The following TFEB variants were observed in gnomAD, a reference collection of about 807,000 sequenced individuals.
The protein encoded by TFEB is transcription factor EB.
A neutral mutation model predicts 48.0 loss-of-function variants in TFEB; 12 were observed. The ratio of observed to expected loss-of-function variants is 0.25; its 90% CI spans 0.16 to 0.40. The LOEUF (loss-of-function observed/expected upper bound fraction) is 0.40, where lower values mean the gene tolerates loss of function less well. Among genes scored for constraint, TFEB ranks in the 10% least tolerant of loss-of-function variants. The probability of loss-of-function intolerance (pLI) is 1.00; values close to 1 mark genes in which losing one functional copy is unlikely to be tolerated. For synonymous variants in TFEB, 244 were observed against 261.4 expected (o/e 0.93, Z 0.64); for missense variants, 509 against 640.3 (o/e 0.79, Z 2.21).
chr6:41,692,514 C>A (rs1561853308), intron 1 of TFEB, among the ~76,000 whole-genome samples: 2 of 152,224 alleles, frequency 1.3e-5, no homozygotes, highest in Non-Finnish European at 2.9e-5. Flanking sequence ...GCCCTAATCT[C>A]CTACAGGTCT....
chr6:41,694,005 C>A (rs776800650), intron 1 of TFEB, among the ~76,000 whole-genome samples: 4 of 152,056 alleles, frequency 2.6e-5, no homozygotes, highest in African/African-American at 4.8e-5. Flanking sequence ...GGCTCACCCC[C>A]CCACCCTTGG....
At chr6:41,733,214 C>A (rs1771524253) in intron 1 of TFEB, 4 of 237,248 alleles carry the variant, frequency 1.7e-5, no homozygotes, top group South Asian at 1.5e-4. Flanking sequence ...CCTGTGACAG[C>A]GCACGTGGGA....
chr6:41,714,400 T>C (rs1184326995), intron 1 of TFEB, among the ~76,000 whole-genome samples: 1 of 152,140 alleles, frequency 6.6e-6, no homozygotes, highest in Non-Finnish European at 1.5e-5. Flanking sequence ...TTCTAGATTA[T>C]GAATAAGGCT....
In TFEB at chr6:41,691,431, G is replaced by C; in HGVS notation, c.-22-196C>G. 1.4e-6 allele frequency: 1 copy of C among 726,522 alleles called. No individual in the cohort carries two copies. The highest frequency in any genetic ancestry group is 1.5e-5 in the South Asian group (1 of 66,916). 45.0% of individuals were successfully genotyped at this position (726,522 alleles called of 1,614,324 possible). A position where few individuals can be genotyped will look rare whatever the true frequency, so the allele number is the denominator to read the frequency against. ...CTGAGACATGAATCCAAGTTTCCTG[G>C]TTCCTGGACCAAAACTGAAGGTTCT... is the stretch of plus-strand genomic sequence containing the variant. On this transcript the variant is annotated intron_variant, in intron 1 of 8. Coordinates refer to ENST00000373033, the MANE Select transcript of TFEB (RefSeq NM_001271944.2). The surrounding 1 kb of genome is among the most constrained non-coding windows in gnomAD (Gnocchi z 5.2).
chr6:41,727,165 A>C (rs1266990049), intron 1 of TFEB, among the ~76,000 whole-genome samples: 1 of 152,224 alleles, frequency 6.6e-6, no homozygotes, highest in Non-Finnish European at 1.5e-5. Context: ...ACCGTGGACC[A>C]TTCCTCTGGG....
chr6:41,714,962 G>A (rs554851188), intron 1 of TFEB, among the ~76,000 whole-genome samples: 75 of 152,318 alleles, frequency 4.9e-4, no homozygotes, highest in Middle Eastern at 6.8e-3. Flanking sequence ...GTTAGCAGCA[G>A]CACTCCCATT....
At chr6:41,688,130 T>A in intron 4 of TFEB, 102 bp from the exon 5 acceptor site, 1 of 1,421,202 alleles carries the variant, frequency 7.0e-7, no homozygotes, top group Non-Finnish European at 9.4e-7. Flanking sequence ...TGGGGACACC[T>A]GGAGTGTCAA....
intron 1 of TFEB, among the ~76,000 whole-genome samples, chr6:41,727,288 G>A (rs954626496): frequency 6.6e-6 from 1 of 152,180 alleles, no homozygotes; most frequent in Non-Finnish European, 1.5e-5. Flanking sequence ...GAAATAAAGA[G>A]GAAGGAGAGA....
Position 41,700,402 on chromosome 6 carries a change from C to G in TFEB, c.-22-9167G>C, listed in dbSNP as rs530408860. Among the ~76,000 whole-genome samples, 27 of 148,720 alleles carry G rather than the reference C, an allele frequency of 1.8e-4. No homozygotes were observed. In the East Asian group the frequency reaches 2.8e-3, roughly 15 times the overall value. Reference sequence around the variant, plus strand: ...AATGGCGTGAACCCGGGAGGCGGAGCTTGCAGTGAGCCGAGATCTCGCCAC... The same window carrying G: ...AATGGCGTGAACCCGGGAGGCGGAGGTTGCAGTGAGCCGAGATCTCGCCAC... On this transcript the variant is annotated intron_variant, in intron 1 of 8. Transcript: ENST00000373033.
chr6:41,726,225 T>C (rs570399926), intron 1 of TFEB, among the ~76,000 whole-genome samples: 1 of 152,292 alleles, frequency 6.6e-6, no homozygotes, highest in South Asian at 2.1e-4. Flanking sequence ...TAAAAGAACA[T>C]GTCCAGCGCC....
At chr6:41,704,323 C>T (rs576772539) in intron 1 of TFEB, among the ~76,000 whole-genome samples, 13 of 152,358 alleles carry the variant, frequency 8.5e-5, no homozygotes, top group Non-Finnish European at 1.8e-4. Flanking sequence ...CATTTGTCAG[C>T]TTTGTGACTG....
rs1770913850 is a variant in TFEB at position 41,720,088 on chromosome 6, G to T, written c.-23+15262C>A. Among the ~76,000 whole-genome samples the T allele has an allele frequency of 6.6e-6, 1 of 152,194 alleles. No individual in the cohort carries two copies. Among genetic ancestry groups the T allele is most frequent in the Admixed American group, 6.5e-5 (1 of 15,284 alleles). On this transcript the variant is annotated intron_variant, in intron 1 of 8. Coordinates refer to ENST00000373033, the MANE Select transcript of TFEB (RefSeq NM_001271944.2). This position sits in a 1 kb window ranked among gnomAD's most constrained non-coding sequence, Gnocchi z 4.1. ...TGGGAGCTCATGCCTGAGCCTCTGG[G>T]CTCTGTGCTCAGTGGGTTGGAAGCC...
At chr6:41,726,565 T>C (rs1355435341) in intron 1 of TFEB, among the ~76,000 whole-genome samples, 1 of 152,068 alleles carries the variant, frequency 6.6e-6, no homozygotes, top group Non-Finnish European at 1.5e-5. Flanking sequence ...TGCCTTAGCC[T>C]CCCAAGCTGG....
At chr6:41,697,573 G>A (rs975306497) in intron 1 of TFEB, among the ~76,000 whole-genome samples, 32 of 139,566 alleles carry the variant, frequency 2.3e-4, no homozygotes, top group Non-Finnish European at 4.7e-4. Flanking sequence ...CAACACAACT[G>A]CCAGAGCATA....
At position 41,700,465 on chromosome 6, in the gene TFEB, C is replaced by CA. The variant is rs549557871; in HGVS notation, c.-22-9231dup. ...TGGGCGACAGAGCGAGACTCCGTCTCAAAAAAAAAAAAAAAAAAAGATCAA... is the reference window on the plus strand; with the variant it reads ...TGGGCGACAGAGCGAGACTCCGTCTCAAAAAAAAAAAAAAAAAAAAGATCAA... On this transcript the variant is annotated intron_variant, in intron 1 of 8. Coordinates refer to ENST00000373033, the MANE Select transcript of TFEB (RefSeq NM_001271944.2). Among the ~76,000 whole-genome samples, 821 of 95,364 alleles carry CA rather than the reference C, an allele frequency of 8.6e-3. 4 individuals are homozygous for CA. Among genetic ancestry groups the CA allele is most frequent in the African/African-American group, 0.011 (320 of 28,166 alleles). The allele number at this position is 95,364 out of a possible 152,430, so 62.6% of individuals were successfully genotyped here. A position where few individuals can be genotyped will look rare whatever the true frequency, so the allele number is the denominator to read the frequency against.
chr6:41,687,578 C>T, intron 6 of TFEB, 175 bp downstream of exon 6: 1 of 776,534 alleles, frequency 1.3e-6, no homozygotes. Flanking sequence ...AAAGACAGCA[C>T]TAATAGTCCC....
intron 1 of TFEB, among the ~76,000 whole-genome samples, chr6:41,714,117 G>T (rs1356217577): frequency 7.3e-6 from 1 of 137,508 alleles, no homozygotes; most frequent in Admixed American, 7.3e-5. Flanking sequence ...GCACGTGTGT[G>T]TGTGTGTGCG....
chr6:41,691,338 G>C lies in TFEB; in HGVS notation c.-22-103C>G. 1 of 1,198,480 alleles carries C rather than the reference G, an allele frequency of 8.3e-7. No homozygotes were observed. The highest frequency in any genetic ancestry group is 1.2e-6 in the Non-Finnish European group (1 of 825,898). 74.2% of individuals were successfully genotyped at this position (1,198,480 alleles called of 1,614,324 possible). A position where few individuals can be genotyped will look rare whatever the true frequency, so the allele number is the denominator to read the frequency against. ...AATGACTGGGACCGCATCCATTTTA[G>C]AGGAGAAGACACCGAGCCCTGAGAG... On this transcript the variant is annotated intron_variant, in intron 1 of 8. Coordinates refer to ENST00000373033, the MANE Select transcript of TFEB (RefSeq NM_001271944.2). The surrounding 1 kb of genome is among the most constrained non-coding windows in gnomAD (Gnocchi z 5.2).
At chr6:41,686,300 C>T (rs1561847954) in intron 7 of TFEB, 63 bp from the exon 8 acceptor site, 1 of 1,596,478 alleles carries the variant, frequency 6.3e-7, no homozygotes. Context: ...ATCCTTGCTA[C>T]TGCTCTGGTT....
Sources: allele counts gnomAD v4.1 joint callset (sites outside exome capture counted in the v4.1 genomes callset), GRCh38; gene constraint gnomAD v4.1.1; non-coding constraint Gnocchi (gnomAD v3.1); transcripts MANE v1.5; gene names NCBI Gene and HGNC (gene_info 2026-07-23, HGNC 2026-07-21).